The following SOBP variants were observed in gnomAD, a reference collection of about 807,000 sequenced individuals.
SOBP encodes sine oculis-binding protein homolog.
Under a neutral mutation model 53.6 loss-of-function variants are expected in SOBP, and 4 were observed. That is an observed-to-expected ratio of 0.07 (90% CI 0.04 to 0.17). The LOEUF is 0.17. SOBP is among the 10% of genes least tolerant of loss of function. SOBP has a pLI of 1.00. For synonymous variants in SOBP, 584 were observed against 522.6 expected, an observed-to-expected ratio of 1.12 and a Z score of -1.60; for missense variants, 1,088 against 1,204.7, an observed-to-expected ratio of 0.90 and a Z score of 1.43.
chr6:107,560,332 C>G (rs1283583963), intron 4 of SOBP, among the ~76,000 whole-genome samples: 1 of 152,094 alleles, frequency 6.6e-6, no homozygotes, highest in Non-Finnish European at 1.5e-5. Flanking sequence ...TCACAGGGGT[C>G]TGTTACAGGA....
chr6:107,544,150 C>T (rs1349681280), intron 4 of SOBP, among the ~76,000 whole-genome samples: 3 of 152,088 alleles, frequency 2.0e-5, no homozygotes, highest in South Asian at 2.1e-4. Flanking sequence ...AGAGTTAACT[C>T]GTCCACACAT....
In SOBP at chr6:107,637,165, C is replaced by A. The variant is rs74381444; in HGVS notation, c.*3+1696C>A. Among the ~76,000 whole-genome samples the A allele has an allele frequency of 4.3e-4, 65 of 152,330 alleles. 1 individual carries two copies. In the East Asian group the frequency reaches 0.011, roughly 25 times the overall value. On this transcript the variant is annotated intron_variant, in intron 6 of 6. Transcript: ENST00000317357. Reference sequence around the variant, plus strand: ...CTCTAAGTGTTCAGACAGTTGAATTCTTGTTTCTGCAGCACCAACAAGCCT... The same window carrying A: ...CTCTAAGTGTTCAGACAGTTGAATTATTGTTTCTGCAGCACCAACAAGCCT...
At chr6:107,600,618 C>A (rs1786143485) in intron 5 of SOBP, among the ~76,000 whole-genome samples, 1 of 151,982 alleles carries the variant, frequency 6.6e-6, no homozygotes, top group Admixed American at 6.6e-5. Flanking sequence ...CTGTTAAGGA[C>A]ACTGATGGTT....
chr6:107,509,729 G>A (rs1283668928), intron 3 of SOBP: 1 of 152,180 alleles, frequency 6.6e-6, no homozygotes, highest in East Asian at 1.9e-4. Flanking sequence ...AAATAAATAT[G>A]CGAAGGGACA....
At chr6:107,547,547 A>G (rs538802462) in intron 4 of SOBP, among the ~76,000 whole-genome samples, 38 of 152,232 alleles carry the variant, frequency 2.5e-4, no homozygotes, top group Non-Finnish European at 2.6e-4. Context: ...ACTGCAGGCT[A>G]TACAAATATG....
intron 5 of SOBP, among the ~76,000 whole-genome samples, chr6:107,591,394 A>G (rs1024196507): frequency 5.3e-5 from 8 of 152,348 alleles, no homozygotes; most frequent in Non-Finnish European, 1.0e-4. Context: ...GAGCACTAGC[A>G]AAGTTCTTGG....
intron 5 of SOBP, among the ~76,000 whole-genome samples, chr6:107,595,451 T>A (rs763435695): frequency 6.0e-5 from 9 of 151,184 alleles, no homozygotes; most frequent in Non-Finnish European, 1.3e-4. Context: ...TGAATGGATC[T>A]ATTTCTTTTG....
At chr6:107,636,684 G>C (rs1771059742) in intron 6 of SOBP, among the ~76,000 whole-genome samples, 1 of 152,212 alleles carries the variant, frequency 6.6e-6, no homozygotes, top group African/African-American at 2.4e-5. Context: ...GGACTAGGGA[G>C]ATACAAAGGT....
In SOBP at chr6:107,634,026, G is replaced by A. The variant is rs1770844650; in HGVS notation, c.1182G>A (p.Pro394=). 2 of 1,611,254 alleles carry A rather than the reference G, an allele frequency of 1.2e-6. No homozygotes were observed. The highest frequency in any genetic ancestry group is 2.2e-5 in the South Asian group (2 of 90,668). Residue 394 remains proline (P), a synonymous_variant, in exon 6 of 7, where the codon CCG becomes CCA. Coordinates refer to ENST00000317357, the MANE Select transcript of SOBP (RefSeq NM_018013.4). This position sits in a 1 kb window ranked among gnomAD's most constrained non-coding sequence, Gnocchi z 4.5. ...PMVMTNRGPV[P]LPIFMEQQIM... ...TGATGACCAACCGCGGCCCGGTGCC[G>A]CTGCCCATCTTCATGGAGCAGCAGA...
chr6:107,635,097 C>G lies in SOBP; in HGVS notation c.2253C>G (p.Pro751=). 6.3e-7 allele frequency: 1 copy of G among 1,599,450 alleles called. No individual in the cohort carries two copies. The highest frequency in any genetic ancestry group is 8.5e-7 in the Non-Finnish European group (1 of 1,173,214). ...PPEQPPPPPP[P]APPKKLLSPE... is the part of the protein sequence containing the mutation. ...AGCAGCCGCCGCCGCCGCCGCCGCCCGCGCCCCCCAAGAAGCTGCTGTCGC... is the reference window on the plus strand; with the variant it reads ...AGCAGCCGCCGCCGCCGCCGCCGCCGGCGCCCCCCAAGAAGCTGCTGTCGC... Residue 751 remains proline (P), a synonymous_variant, in exon 6 of 7, where the codon CCC becomes CCG. Transcript: ENST00000317357. This position sits in a 1 kb window ranked among gnomAD's most constrained non-coding sequence, Gnocchi z 4.5.
intron 1 of SOBP, among the ~76,000 whole-genome samples, chr6:107,502,569 C>A (rs564389575): frequency 1.4e-3 from 216 of 152,098 alleles, no homozygotes; most frequent in Non-Finnish European, 2.6e-3. Flanking sequence ...GTGATATTAT[C>A]TTACATTTAT....
chr6:107,508,713 C>T (rs970972571), intron 3 of SOBP, among the ~76,000 whole-genome samples: 2 of 152,068 alleles, frequency 1.3e-5, no homozygotes, highest in African/African-American at 4.8e-5. Flanking sequence ...ATAAAGTTTG[C>T]CTTATTGTGC....
intron 4 of SOBP, among the ~76,000 whole-genome samples, chr6:107,572,975 T>C (rs1451061981): frequency 6.6e-6 from 1 of 152,196 alleles, no homozygotes; most frequent in Non-Finnish European, 1.5e-5. Flanking sequence ...AATCCTGGGC[T>C]GCTCACGCGG....
intron 3 of SOBP, among the ~76,000 whole-genome samples, chr6:107,521,627 C>T (rs1351774295): frequency 2.6e-5 from 4 of 152,106 alleles, no homozygotes; most frequent in East Asian, 3.8e-4. Flanking sequence ...GGGTTGTTCC[C>T]GATTTTTAGC....
At chr6:107,521,505 G>A (rs1023680112) in intron 3 of SOBP, among the ~76,000 whole-genome samples, 4 of 152,094 alleles carry the variant, frequency 2.6e-5, no homozygotes, top group Non-Finnish European at 4.4e-5. Context: ...TCATATGCAG[G>A]CAGGAATTCT....
At chr6:107,520,207 G>C (rs908061519) in intron 3 of SOBP, among the ~76,000 whole-genome samples, 17 of 152,152 alleles carry the variant, frequency 1.1e-4, no homozygotes, top group African/African-American at 4.1e-4. Flanking sequence ...GAGAAACAAA[G>C]AAACTAAGTC....
chr6:107,538,472 A>G (rs745967865), intron 4 of SOBP, among the ~76,000 whole-genome samples: 1 of 152,220 alleles, frequency 6.6e-6, no homozygotes, highest in Non-Finnish European at 1.5e-5. Context: ...GTTGCTGGCA[A>G]ATATCTTTGG....
chr6:107,579,661 G>A (rs541887555), intron 4 of SOBP, among the ~76,000 whole-genome samples: 3 of 152,254 alleles, frequency 2.0e-5, no homozygotes, highest in Admixed American at 6.5e-5. Flanking sequence ...CCTCACATGC[G>A]TGCGGCTCTG....
chr6:107,509,367 C>T (rs1174916450), intron 3 of SOBP, among the ~76,000 whole-genome samples: 1 of 147,650 alleles, frequency 6.8e-6, no homozygotes, highest in Non-Finnish European at 1.5e-5. Context: ...GCACTCCAGC[C>T]TGGGCAACAA....
Sources: gnomAD v4.1 joint callset for allele counts (sites outside exome capture counted in the v4.1 genomes callset) on GRCh38, gnomAD v4.1.1 for gene constraint, Gnocchi (gnomAD v3.1) non-coding constraint, MANE v1.5 for transcripts, NCBI Gene and HGNC (gene_info 2026-07-23, HGNC 2026-07-21) for gene names.